The following EPS15L1 variants were observed in gnomAD, a reference collection of about 807,000 sequenced individuals.
EPS15L1 encodes epidermal growth factor receptor pathway substrate 15 like 1.
In EPS15L1, 43 loss-of-function variants were observed where a neutral mutation model predicts 117.1. The ratio of observed to expected loss-of-function variants is 0.37; its 90% confidence interval spans 0.29 to 0.47. The LOEUF is 0.47. EPS15L1 is among the 20% of genes least tolerant of loss of function. EPS15L1 has a pLI of 0.99. For synonymous variants in EPS15L1, 459 were observed against 470.5 expected (o/e 0.98, Z 0.32); for missense variants, 981 against 1,164.0 (o/e 0.84, Z 2.29).
At chr19:16,457,601 C>G (rs941584156) in intron 1 of EPS15L1, among the ~76,000 whole-genome samples, 10 of 151,212 alleles carry the variant, frequency 6.6e-5, no homozygotes, top group African/African-American at 2.4e-4. Flanking sequence ...TCTTGTGCAG[C>G]CATGCAGAGG....
chr19:16,444,009 AGCCGAGATCGC>A (rs2093057640), intron 1 of EPS15L1, among the ~76,000 whole-genome samples: 1 of 146,508 alleles, frequency 6.8e-6, no homozygotes, highest in Non-Finnish European at 1.5e-5. Flanking sequence ...GATTGCAGTG[AGCCGAGATCGC>A]GCCACTGCAC....
rs184164790 is a variant in EPS15L1, at chr19:16,462,952, G to A, written c.33+8961C>T. On this transcript the variant is annotated intron_variant, in intron 1 of 23. Transcript: ENST00000455140. ...GAGGTGATTCATCCCACCGCTGTGGGTGCCACCTGACTTCCACGAGTGTGT... is the reference window on the plus strand; with the variant it reads ...GAGGTGATTCATCCCACCGCTGTGGATGCCACCTGACTTCCACGAGTGTGT... Among the ~76,000 whole-genome samples, 314 of 152,262 alleles carry A rather than the reference G, an allele frequency of 2.1e-3. 1 individual carries two copies. The highest frequency in any genetic ancestry group is 3.3e-3 in the Non-Finnish European group (224 of 68,014).
intron 22 of EPS15L1, among the ~76,000 whole-genome samples, chr19:16,363,734 C>G (rs1049661011): frequency 6.6e-6 from 1 of 152,186 alleles, no homozygotes; most frequent in Non-Finnish European, 1.5e-5. Context: ...TGTCCTGCAC[C>G]GCCGTGCCCA....
At chr19:16,427,999 G>A (rs567923286) in intron 8 of EPS15L1, among the ~76,000 whole-genome samples, 2 of 150,848 alleles carry the variant, frequency 1.3e-5, no homozygotes, top group South Asian at 2.1e-4. Flanking sequence ...GCAGGAGATC[G>A]AGACCATCCT....
chr19:16,368,642 C>CCTAA (rs1361526516), intron 22 of EPS15L1, among the ~76,000 whole-genome samples: 2 of 151,906 alleles, frequency 1.3e-5, no homozygotes, highest in African/African-American at 4.8e-5. Context: ...CAGGCACCCA[C>CCTAA]CTGTCATTCA....
intron 19 of EPS15L1, among the ~76,000 whole-genome samples, chr19:16,390,426 C>T (rs8113380): frequency 0.029 from 4,341 of 152,126 alleles, 227 homozygotes; most frequent in African/African-American, 0.098. Flanking sequence ...ATGTTTAACG[C>T]CTCTCTCTCA....
At chr19:16,411,404 G>C (rs2092704795) in intron 13 of EPS15L1, among the ~76,000 whole-genome samples, 3 of 152,202 alleles carry the variant, frequency 2.0e-5, no homozygotes, top group Non-Finnish European at 4.4e-5. Context: ...AGTTAACGAT[G>C]AATCTTTCAG....
At chr19:16,455,160 C>T (rs2093182794) in intron 1 of EPS15L1, among the ~76,000 whole-genome samples, 1 of 152,102 alleles carries the variant, frequency 6.6e-6, no homozygotes. Context: ...CTCTGTTGTC[C>T]AGGCTGGAGT....
intron 18 of EPS15L1, among the ~76,000 whole-genome samples, chr19:16,393,385 C>T (rs1311756872): frequency 6.6e-6 from 1 of 151,836 alleles, no homozygotes; most frequent in Non-Finnish European, 1.5e-5. Context: ...TGGTGGCTCA[C>T]GCCTGTCATC....
intron 19 of EPS15L1, among the ~76,000 whole-genome samples, chr19:16,387,975 A>G (rs2092437927): frequency 6.6e-6 from 1 of 152,204 alleles, no homozygotes. Context: ...GGAATCCCAG[A>G]AAGAGAGGGG....
At chr19:16,447,068 A>G (rs2093090426) in intron 1 of EPS15L1, among the ~76,000 whole-genome samples, 1 of 152,150 alleles carries the variant, frequency 6.6e-6, no homozygotes, top group African/African-American at 2.4e-5. Context: ...AGAGGCCCCC[A>G]CAGGCCTTGC....
chr19:16,413,555 T>A (rs1054300005), intron 13 of EPS15L1: 13 of 729,050 alleles, frequency 1.8e-5, no homozygotes, highest in Non-Finnish European at 3.0e-5. Context: ...GCACCCAGGC[T>A]CCAGCTGTGG....
At chr19:16,363,949 T>C (rs976815253) in intron 22 of EPS15L1, among the ~76,000 whole-genome samples, 1 of 152,216 alleles carries the variant, frequency 6.6e-6, no homozygotes, top group Non-Finnish European at 1.5e-5. Context: ...CAGCCCACCC[T>C]TGCGGCCTGC....
chr19:16,419,127 T>C (rs1199339389), intron 10 of EPS15L1, among the ~76,000 whole-genome samples: 1 of 152,190 alleles, frequency 6.6e-6, no homozygotes, highest in Non-Finnish European at 1.5e-5. Flanking sequence ...AGTGGTCCTG[T>C]GGAGCTGAGG....
At chr19:16,387,324 C>T (rs185829772) in intron 19 of EPS15L1, among the ~76,000 whole-genome samples, 28 of 152,278 alleles carry the variant, frequency 1.8e-4, no homozygotes, top group African/African-American at 6.5e-4. Flanking sequence ...ATTGGCCAGG[C>T]GGGCAAGGCA....
intron 16 of EPS15L1, chr19:16,401,177 T>A: frequency 2.0e-6 from 2 of 984,964 alleles, no homozygotes; most frequent in South Asian, 9.4e-5. Flanking sequence ...AAAGAGAGTA[T>A]GGGAGGAAAG....
intron 13 of EPS15L1, among the ~76,000 whole-genome samples, chr19:16,407,424 G>A (rs140677537): frequency 3.8e-4 from 58 of 152,318 alleles, no homozygotes; most frequent in African/African-American, 1.3e-3. Flanking sequence ...TCGTGCCTCA[G>A]TCTCCCGAGT....
At chr19:16,391,834 G>A (rs113234041) in intron 19 of EPS15L1, among the ~76,000 whole-genome samples, 7 of 152,184 alleles carry the variant, frequency 4.6e-5, no homozygotes, top group African/African-American at 1.2e-4. Context: ...TACTCCTGCC[G>A]TGACGGGAGC....
chr19:16,432,822 AAC>A (rs2145021891), intron 7 of EPS15L1, among the ~76,000 whole-genome samples: 1 of 152,252 alleles, frequency 6.6e-6, no homozygotes, highest in South Asian at 2.1e-4. Flanking sequence ...TATTTTTTTA[AAC>A]AGAGTCTCAA....
Sources: gnomAD v4.1 joint callset for allele counts (sites outside exome capture counted in the v4.1 genomes callset) on GRCh38, gnomAD v4.1.1 for gene constraint, MANE v1.5 for transcripts, NCBI Gene and HGNC (gene_info 2026-07-23, HGNC 2026-07-21) for gene names.